LINGO2: variants seen among roughly 807,000 people sequenced by gnomAD.
LINGO2 encodes leucine-rich repeat and immunoglobulin-like domain-containing nogo receptor-interacting protein 2.
LINGO2 carries 14 observed loss-of-function variants against 30.6 expected under a neutral mutation model. The observed-to-expected ratio is 0.46, with a 90% confidence interval of 0.30 to 0.72. The LOEUF is 0.72. LINGO2 is among the 30% of genes least tolerant of loss of function. LINGO2 has a pLI of 0.07. For missense variants in LINGO2, 729 were observed against 751.7 expected (o/e 0.97, Z 0.35); for synonymous variants, 317 against 288.5 (o/e 1.10, Z -1.00).
At chr9:28,718,650 T>C in the LINGO2 span, among the ~76,000 whole-genome samples, 1 of 152,050 alleles carries the variant, frequency 6.6e-6, no homozygotes, top group Non-Finnish European at 1.5e-5. Context: ...ACTCCATTTG[T>C]TCCTAGGCTA....
At chr9:29,077,353 T>C in the LINGO2 span, among the ~76,000 whole-genome samples, 1 of 152,060 alleles carries the variant, frequency 6.6e-6, no homozygotes, top group East Asian at 1.9e-4. Flanking sequence ...TTTTGAAATG[T>C]GCTGCATGCA....
chr9:29,168,426 A>G, the LINGO2 span, among the ~76,000 whole-genome samples: 12 of 152,300 alleles, frequency 7.9e-5, no homozygotes, highest in African/African-American at 2.4e-4. Context: ...ATTTTAGCCA[A>G]TCATAGGAAT....
chr9:28,572,520 C>T (rs1052595962), intron 1 of LINGO2, among the ~76,000 whole-genome samples: 1 of 152,068 alleles, frequency 6.6e-6, no homozygotes, highest in African/African-American at 2.4e-5. Context: ...AACAAGGCCG[C>T]TCTTCATGGT....
the LINGO2 span, among the ~76,000 whole-genome samples, chr9:28,823,959 G>C: frequency 6.6e-6 from 1 of 151,744 alleles, no homozygotes; most frequent in African/African-American, 2.4e-5. Context: ...GTATTTAACT[G>C]GTAATCAGGA....
At chr9:28,998,470 C>A in the LINGO2 span, among the ~76,000 whole-genome samples, 776 of 152,026 alleles carry the variant, frequency 5.1e-3, 6 homozygotes, top group African/African-American at 0.018. Context: ...TGGAATGCAA[C>A]CTTTTTCCCC....
intron 1 of LINGO2, among the ~76,000 whole-genome samples, chr9:28,558,605 G>A (rs1039546847): frequency 6.6e-6 from 1 of 151,954 alleles, no homozygotes; most frequent in East Asian, 1.9e-4. Context: ...TACTTTTATG[G>A]TATTTAGCCA....
chr9:28,354,256 T>C (rs1820060278), intron 3 of LINGO2, among the ~76,000 whole-genome samples: 1 of 152,176 alleles, frequency 6.6e-6, no homozygotes, highest in Admixed American at 6.5e-5. Context: ...CTCATACCAG[T>C]AGGTTTGGGA....
intron 4 of LINGO2, among the ~76,000 whole-genome samples, chr9:28,210,335 AT>A (rs1365862368): frequency 6.6e-6 from 1 of 151,572 alleles, no homozygotes; most frequent in African/African-American, 2.4e-5. Context: ...GTAGAACCTA[AT>A]AAAGTAATAA....
intron 4 of LINGO2, among the ~76,000 whole-genome samples, chr9:28,070,858 T>C (rs1410287287): frequency 6.6e-6 from 1 of 152,104 alleles, no homozygotes; most frequent in Non-Finnish European, 1.5e-5. Flanking sequence ...GACTACAGCA[T>C]GAGTAATCAT....
chr9:28,822,646 T>A, the LINGO2 span, among the ~76,000 whole-genome samples: 2 of 152,146 alleles, frequency 1.3e-5, no homozygotes, highest in Non-Finnish European at 2.9e-5. Context: ...TACATCTTTC[T>A]CCTGTGCTGG....
chr9:28,237,542 C>A (rs555664734), intron 4 of LINGO2, among the ~76,000 whole-genome samples: 1 of 152,230 alleles, frequency 6.6e-6, no homozygotes, highest in South Asian at 2.1e-4. Context: ...GCCCAGTGAT[C>A]TGTTGCCTAT....
At chr9:28,722,307 T>G in the LINGO2 span, among the ~76,000 whole-genome samples, 2 of 152,048 alleles carry the variant, frequency 1.3e-5, no homozygotes, top group South Asian at 2.1e-4. Flanking sequence ...TGAAAACAGG[T>G]TTTTTGGGCT....
the LINGO2 span, among the ~76,000 whole-genome samples, chr9:28,698,266 A>G: frequency 6.6e-6 from 1 of 152,080 alleles, no homozygotes. Flanking sequence ...GTATAGATAC[A>G]TTTATAATAA....
chr9:28,810,754 T>C, the LINGO2 span, among the ~76,000 whole-genome samples: 1 of 152,174 alleles, frequency 6.6e-6, no homozygotes, highest in Non-Finnish European at 1.5e-5. Context: ...GATCTCTCAG[T>C]AGTATACAAA....
the LINGO2 span, among the ~76,000 whole-genome samples, chr9:28,680,881 G>T: frequency 6.6e-6 from 1 of 152,038 alleles, no homozygotes; most frequent in Non-Finnish European, 1.5e-5. Context: ...ACCCTTGTCA[G>T]ATATGTGGCT....
intron 1 of LINGO2, among the ~76,000 whole-genome samples, chr9:28,482,323 C>G (rs1307483406): frequency 7.9e-5 from 12 of 152,116 alleles, no homozygotes; most frequent in South Asian, 4.1e-4. Context: ...ATTCTAACTG[C>G]TGTGAGATGG....
At chr9:28,912,034 A>T in the LINGO2 span, among the ~76,000 whole-genome samples, 6 of 152,098 alleles carry the variant, frequency 3.9e-5, no homozygotes, top group Non-Finnish European at 7.4e-5. Flanking sequence ...ATGAAGAAAA[A>T]TTATTTAGAA....
At chr9:28,013,740 C>T (rs1177330344) in intron 4 of LINGO2, among the ~76,000 whole-genome samples, 1 of 152,034 alleles carries the variant, frequency 6.6e-6, no homozygotes, top group Non-Finnish European at 1.5e-5. Flanking sequence ...ATTTCTGATT[C>T]TTTTTTTCTA....
the LINGO2 span, among the ~76,000 whole-genome samples, chr9:28,742,525 G>A: frequency 2.5e-3 from 380 of 151,390 alleles, 5 homozygotes; most frequent in African/African-American, 8.7e-3. Context: ...TTTACTTCAA[G>A]TTTATATTGA....
Sources: gnomAD v4.1 joint callset for allele counts (sites outside exome capture counted in the v4.1 genomes callset) on GRCh38, gnomAD v4.1.1 for gene constraint, MANE v1.5 for transcripts, NCBI Gene and HGNC (gene_info 2026-07-23, HGNC 2026-07-21) for gene names.